Variants in PDE10A observed in about 807,000 individuals in gnomAD.
The protein encoded by PDE10A is phosphodiesterase 10A, also known as cAMP and cAMP-inhibited cGMP 3',5'-cyclic phosphodiesterase 10A.
A neutral mutation model predicts 97.7 loss-of-function variants in PDE10A; 39 were observed. The observed-to-expected ratio is 0.40, with a 90% CI of 0.31 to 0.52. The LOEUF is 0.52. PDE10A is among the 20% of genes least tolerant of loss of function. The probability of loss-of-function intolerance (pLI) is 0.56; values close to 1 mark genes in which losing one functional copy is unlikely to be tolerated. For synonymous variants in PDE10A, 371 were observed against 376.8 expected (o/e 0.98, Z 0.18); for missense variants, 731 against 1,047.8 (o/e 0.70, Z 4.17).
intron 1 of PDE10A, among the ~76,000 whole-genome samples, chr6:165,907,363 G>T (rs1474125600): frequency 6.6e-6 from 1 of 152,238 alleles, no homozygotes; most frequent in African/African-American, 2.4e-5. Flanking sequence ...TGAGGTGTGA[G>T]GGGTGGGCGA....
At chr6:165,376,120 G>A (rs1171956613) in intron 18 of PDE10A, among the ~76,000 whole-genome samples, 1 of 152,176 alleles carries the variant, frequency 6.6e-6, no homozygotes, top group Non-Finnish European at 1.5e-5. Context: ...TAAGAATATA[G>A]CTGTTATAGA....
chr6:165,727,778 ATAACT>A lies in PDE10A; in HGVS notation c.-614-184215_-614-184211del, dbSNP rs1447104352. Among the ~76,000 whole-genome samples, 3 of 152,382 alleles carry A rather than the reference ATAACT, an allele frequency of 2.0e-5. No individual in the cohort carries two copies. The East Asian group carries it at 5.8e-4, about 29-fold the overall frequency. ...GGTATATTTGTTTACTTAAAGAAAC[ATAACT>A]TAAATAATCATGTTTCCAAAGAACA... On this transcript the variant is annotated intron_variant, in intron 1 of 19. Transcript: ENST00000366882.
chr6:165,783,271 G>A (rs1490166783), intron 1 of PDE10A, among the ~76,000 whole-genome samples: 1 of 152,188 alleles, frequency 6.6e-6, no homozygotes, highest in African/African-American at 2.4e-5. Flanking sequence ...GAATACGAAT[G>A]ACGATTACAG....
At chr6:165,758,329 C>A (rs925678423) in intron 1 of PDE10A, among the ~76,000 whole-genome samples, 9 of 152,086 alleles carry the variant, frequency 5.9e-5, no homozygotes, top group Admixed American at 5.2e-4. Context: ...GGCGTTCTGG[C>A]GCATGCCTGT....
At chr6:165,810,996 C>G (rs1779267442) in intron 1 of PDE10A, among the ~76,000 whole-genome samples, 1 of 152,166 alleles carries the variant, frequency 6.6e-6, no homozygotes, top group African/African-American at 2.4e-5. Flanking sequence ...GAGGCCCAGG[C>G]TGGCAGATCA....
intron 1 of PDE10A, among the ~76,000 whole-genome samples, chr6:165,890,943 G>A (rs1879934): frequency 0.051 from 7,715 of 152,260 alleles, 226 homozygotes; most frequent in Middle Eastern, 0.058. Flanking sequence ...TGCCCAGGTT[G>A]GTCTCCACTC....
chr6:165,642,970 T>C (rs746009598), intron 1 of PDE10A, among the ~76,000 whole-genome samples: 1 of 152,156 alleles, frequency 6.6e-6, no homozygotes, highest in Non-Finnish European at 1.5e-5. Context: ...AGCTGAGGAA[T>C]AGTTCACTCA....
chr6:165,475,216 C>T (rs923619936), intron 3 of PDE10A, among the ~76,000 whole-genome samples: 2 of 152,038 alleles, frequency 1.3e-5, no homozygotes, highest in South Asian at 4.1e-4. Context: ...TTTCCTATAA[C>T]AAAACTGATT....
chr6:165,497,194 T>A (rs530695878), intron 2 of PDE10A, among the ~76,000 whole-genome samples: 1 of 152,322 alleles, frequency 6.6e-6, no homozygotes, highest in South Asian at 2.1e-4. Context: ...TTTAATAACT[T>A]GTTGTAATCA....
chr6:165,969,751 G>T (rs1022717058), intron 1 of PDE10A, among the ~76,000 whole-genome samples: 1 of 152,138 alleles, frequency 6.6e-6, no homozygotes, highest in Non-Finnish European at 1.5e-5. Context: ...CCCTGAAGGA[G>T]CTCCCACTGC....
In PDE10A at chr6:165,331,565, T is replaced by C. The variant is rs894561136; in HGVS notation, c.*1460A>G. ...AGCGATATTCCAGTTTCCTGCCACA[T>C]GAAAAGTGAATAAGTTATTTGATAT... On this transcript the variant is annotated 3_prime_UTR_variant, in exon 22 of 22. Transcript: ENST00000539869. 1 of 152,184 alleles carries C rather than the reference T, an allele frequency of 6.6e-6. No individual in the cohort carries two copies. Among genetic ancestry groups the C allele is most frequent in the Non-Finnish European group, 1.5e-5 (1 of 68,022 alleles). The allele number at this position is 152,184 out of a possible 1,614,324, so 9.4% of individuals were successfully genotyped here. A position where few individuals can be genotyped will look rare whatever the true frequency, so the allele number is the denominator to read the frequency against.
At position 165,793,822 on chromosome 6, in the gene PDE10A, A is replaced by G. The variant is rs1378315726; in HGVS notation, c.-615+193707T>C. 2.0e-5 allele frequency among the ~76,000 whole-genome samples: 3 copies of G among 152,356 alleles called. No homozygotes were observed. In the East Asian group the frequency reaches 5.8e-4, roughly 29 times the overall value. ...AGATTTCTGCATCAAAATTCATCGG[A>G]GGACAAGGAGATGTGCACACAGTGA... On this transcript the variant is annotated intron_variant, in intron 1 of 19. Transcript: ENST00000366882.
chr6:165,822,911 T>C (rs1360680923), intron 1 of PDE10A, among the ~76,000 whole-genome samples: 1 of 152,112 alleles, frequency 6.6e-6, no homozygotes, highest in Non-Finnish European at 1.5e-5. Flanking sequence ...CTCAGCTCAC[T>C]GCAAGCTCCT....
chr6:165,374,228 GATA>G (rs1055285909), intron 18 of PDE10A, among the ~76,000 whole-genome samples: 8 of 149,946 alleles, frequency 5.3e-5, no homozygotes, highest in East Asian at 2.0e-4. Flanking sequence ...CTTGAAGTAT[GATA>G]ATAATAATAA....
intron 1 of PDE10A, among the ~76,000 whole-genome samples, chr6:165,557,093 C>T (rs1784295306): frequency 6.6e-6 from 1 of 151,924 alleles, no homozygotes; most frequent in Non-Finnish European, 1.5e-5. Context: ...GAGTCGAGGT[C>T]GTGCCACTGC....
At chr6:165,516,640 A>G (rs1002459640) in intron 2 of PDE10A, among the ~76,000 whole-genome samples, 1 of 152,206 alleles carries the variant, frequency 6.6e-6, no homozygotes, top group Admixed American at 6.5e-5. Flanking sequence ...TAATTTTCAT[A>G]AATGGATAAA....
intron 3 of PDE10A, among the ~76,000 whole-genome samples, chr6:165,470,407 T>C (rs571651370): frequency 1.3e-5 from 2 of 152,350 alleles, no homozygotes; most frequent in African/African-American, 4.8e-5. Context: ...AAAATTGCTG[T>C]AAATCAGATA....
intron 1 of PDE10A, among the ~76,000 whole-genome samples, chr6:165,964,923 AG>A (rs942947704): frequency 2.1e-4 from 32 of 152,320 alleles, no homozygotes; most frequent in African/African-American, 7.7e-4. Flanking sequence ...GAAGCTCAGC[AG>A]GCAGACAGGA....
chr6:165,579,265 A>G (rs895049258), intron 1 of PDE10A, among the ~76,000 whole-genome samples: 5 of 152,256 alleles, frequency 3.3e-5, no homozygotes, highest in African/African-American at 1.2e-4. Context: ...TGTGGATTTT[A>G]GAATGCTCTT....
Sources: allele counts gnomAD v4.1 joint callset (sites outside exome capture counted in the v4.1 genomes callset), GRCh38; gene constraint gnomAD v4.1.1; transcripts MANE v1.5; gene names NCBI Gene and HGNC (gene_info 2026-07-23, HGNC 2026-07-21).